Variants in ENTHD1 observed in about 807,000 individuals in gnomAD.
The protein encoded by ENTHD1 is ENTH domain-containing protein 1.
ENTHD1 carries 23 observed loss-of-function variants against 39.1 expected under a neutral mutation model. The ratio of observed to expected loss-of-function variants is 0.59; its 90% CI spans 0.42 to 0.83. The LOEUF is 0.83. ENTHD1 is among the 40% of genes least tolerant of loss of function. The probability of loss-of-function intolerance (pLI) is 0.00; values close to 1 mark genes in which losing one functional copy is unlikely to be tolerated. For missense variants in ENTHD1, 624 were observed against 705.4 expected, an observed-to-expected ratio of 0.88 and a Z score of 1.31; for synonymous variants, 230 against 258.2, an observed-to-expected ratio of 0.89 and a Z score of 1.05.
At chr22:39,845,375 G>A (rs937438901) in intron 3 of ENTHD1, among the ~76,000 whole-genome samples, 4 of 152,114 alleles carry the variant, frequency 2.6e-5, no homozygotes, top group Admixed American at 6.5e-5. Flanking sequence ...GCCCTTAACC[G>A]TTATACTCTA....
At chr22:39,781,207 G>A (rs950521114) in intron 5 of ENTHD1, among the ~76,000 whole-genome samples, 5 of 152,098 alleles carry the variant, frequency 3.3e-5, no homozygotes, top group African/African-American at 1.2e-4. Flanking sequence ...CAGAACATAA[G>A]CTCTTTTCTT....
At chr22:39,879,000 C>T (rs1044455255) in intron 2 of ENTHD1, among the ~76,000 whole-genome samples, 3 of 151,288 alleles carry the variant, frequency 2.0e-5, no homozygotes, top group South Asian at 2.1e-4. Context: ...GCAAAAGACA[C>T]GGTCAAGAAA....
At chr22:39,745,809 T>C (rs919947652) in intron 6 of ENTHD1, among the ~76,000 whole-genome samples, 1 of 152,258 alleles carries the variant, frequency 6.6e-6, no homozygotes, top group Non-Finnish European at 1.5e-5. Context: ...GTTAAAGAAT[T>C]CTAGGTCAGA....
intron 2 of ENTHD1, among the ~76,000 whole-genome samples, chr22:39,883,548 G>A (rs1353581793): frequency 6.6e-6 from 1 of 151,880 alleles, no homozygotes; most frequent in East Asian, 1.9e-4. Context: ...GAACAAGACA[G>A]GATGTCTGCT....
intron 2 of ENTHD1, among the ~76,000 whole-genome samples, chr22:39,865,180 A>T (rs1206690457): frequency 6.6e-6 from 1 of 152,140 alleles, no homozygotes; most frequent in African/African-American, 2.4e-5. Context: ...CTAAGAGACA[A>T]GCAATTACAC....
chr22:39,808,289 CG>C (rs2065659776), intron 5 of ENTHD1, among the ~76,000 whole-genome samples: 1 of 152,102 alleles, frequency 6.6e-6, no homozygotes, highest in African/African-American at 2.4e-5. Context: ...TGTACATGTT[CG>C]TGTCCTCTCC....
At chr22:39,875,847 A>T in intron 2 of ENTHD1, 3 of 1,614,000 alleles carry the variant, frequency 1.9e-6, no homozygotes, top group Middle Eastern at 1.7e-4. Context: ...GAAATTAAGC[A>T]GGAAGCTGCA....
rs147856235 is a variant in ENTHD1 at position 39,880,374 on chromosome 22, C to T, written c.349+7026G>A. 1.2e-4 allele frequency among the ~76,000 whole-genome samples: 18 copies of T among 152,210 alleles called. No homozygotes were observed. The East Asian group carries it at 3.3e-3, about 28-fold the overall frequency. ...CAGAAAAATTTTAGGGCAGTGAAAC[C>T]ACTCTGTGTGATATTATAATGATGA... On this transcript the variant is annotated intron_variant, in intron 2 of 6. Coordinates refer to ENST00000325157, the MANE Select transcript of ENTHD1 (RefSeq NM_152512.4).
At chr22:39,756,243 C>T (rs968541605) in intron 6 of ENTHD1, among the ~76,000 whole-genome samples, 1 of 151,958 alleles carries the variant, frequency 6.6e-6, no homozygotes, top group Admixed American at 6.6e-5. Flanking sequence ...GTATTTCACC[C>T]TATTAAGAAT....
intron 6 of ENTHD1, among the ~76,000 whole-genome samples, chr22:39,752,053 T>TTC (rs542882500): frequency 1.3e-3 from 202 of 149,708 alleles, no homozygotes; most frequent in South Asian, 8.2e-3. Flanking sequence ...AAAGCTTTAT[T>TTC]TCTCTCTCTC....
rs569654006 is a variant in ENTHD1 at position 39,812,686 on chromosome 22, A to G, written c.832+8307T>C. Among the ~76,000 whole-genome samples the G allele has an allele frequency of 5.9e-5, 9 of 152,376 alleles. No homozygotes were observed. In the South Asian group the frequency reaches 1.9e-3, roughly 32 times the overall value. On this transcript the variant is annotated intron_variant, in intron 5 of 6. Coordinates refer to ENST00000325157, the MANE Select transcript of ENTHD1 (RefSeq NM_152512.4). ...GACCTGGCTGCCACAGATGCGGAGCATCCAGAATGCCCGGAGTGGTAGCTA... is the reference window on the plus strand; with the variant it reads ...GACCTGGCTGCCACAGATGCGGAGCGTCCAGAATGCCCGGAGTGGTAGCTA...
At chr22:39,765,694 G>T (rs1052107156) in intron 5 of ENTHD1, 85 bp from the exon 6 acceptor site, 4 of 1,298,084 alleles carry the variant, frequency 3.1e-6, no homozygotes, top group Non-Finnish European at 3.1e-6. Flanking sequence ...TAATAAATAG[G>T]ATTTTTTAAT....
intron 5 of ENTHD1, among the ~76,000 whole-genome samples, chr22:39,769,974 T>A (rs1335352937): frequency 6.6e-6 from 1 of 152,096 alleles, no homozygotes; most frequent in East Asian, 1.9e-4. Flanking sequence ...ATCTTAGAGG[T>A]CTGAGAACTT....
intron 5 of ENTHD1, among the ~76,000 whole-genome samples, chr22:39,797,871 T>C (rs1418135579): frequency 6.6e-6 from 1 of 152,164 alleles, no homozygotes; most frequent in African/African-American, 2.4e-5. Context: ...GAATTCTCTG[T>C]TTTTGATGTT....
chr22:39,865,206 T>C (rs940507640), intron 2 of ENTHD1, among the ~76,000 whole-genome samples: 2 of 151,990 alleles, frequency 1.3e-5, no homozygotes, highest in East Asian at 3.9e-4. Flanking sequence ...AAAGAGCCAG[T>C]TGCAATAGTG....
At chr22:39,806,274 C>T (rs1030227314) in intron 5 of ENTHD1, among the ~76,000 whole-genome samples, 1 of 152,202 alleles carries the variant, frequency 6.6e-6, no homozygotes, top group Non-Finnish European at 1.5e-5. Context: ...GTTTTGAGCA[C>T]TTCCTCCTTT....
intron 5 of ENTHD1, among the ~76,000 whole-genome samples, chr22:39,802,286 T>A (rs1449059414): frequency 1.3e-5 from 2 of 152,190 alleles, no homozygotes; most frequent in African/African-American, 4.8e-5. Flanking sequence ...AGATAAAGAC[T>A]CAAGACTCAG....
chr22:39,803,377 A>G (rs1386741453), intron 5 of ENTHD1, among the ~76,000 whole-genome samples: 1 of 151,958 alleles, frequency 6.6e-6, no homozygotes, highest in Non-Finnish European at 1.5e-5. Context: ...TTCTCTGACT[A>G]CCCTAACTAA....
intron 3 of ENTHD1, among the ~76,000 whole-genome samples, chr22:39,851,647 C>A (rs2066041030): frequency 6.6e-6 from 1 of 152,194 alleles, no homozygotes; most frequent in Admixed American, 6.5e-5. Flanking sequence ...TGACCCAAGG[C>A]TTTCCTTCCC....
Sources: allele counts gnomAD v4.1 joint callset (sites outside exome capture counted in the v4.1 genomes callset), GRCh38; gene constraint gnomAD v4.1.1; transcripts MANE v1.5; gene names NCBI Gene and HGNC (gene_info 2026-07-23, HGNC 2026-07-21).